The following CEP89 variants were observed in gnomAD, a reference collection of about 807,000 sequenced individuals.
CEP89 encodes the protein centrosomal protein of 89 kDa.
Under a neutral mutation model 97.6 loss-of-function variants are expected in CEP89, and 95 were observed. The ratio of observed to expected loss-of-function variants is 0.97; its 90% CI spans 0.82 to 1.15. The LOEUF (loss-of-function observed/expected upper bound fraction) is 1.15, where lower values mean the gene tolerates loss of function less well. Among genes scored for constraint, CEP89 ranks in the 50% most tolerant of loss-of-function variants. The pLI is 0.00. For missense variants in CEP89, 869 were observed against 947.7 expected (o/e 0.92, Z 1.09); for synonymous variants, 354 against 349.1 (o/e 1.01, Z -0.16).
intron 14 of CEP89, among the ~76,000 whole-genome samples, chr19:32,914,161 T>C (rs1470886850): frequency 1.3e-5 from 2 of 152,296 alleles, no homozygotes; most frequent in Non-Finnish European, 2.9e-5. Context: ...TATTTTCCTA[T>C]GTCAAAAAGG....
chr19:32,914,281 T>TTTTA (rs1970073854), intron 14 of CEP89, among the ~76,000 whole-genome samples: 1 of 152,092 alleles, frequency 6.6e-6, no homozygotes, highest in Non-Finnish European at 1.5e-5. Flanking sequence ...AGTTTTACTA[T>TTTTA]TTTATTTATT....
chr19:32,927,134 AT>A (rs2145922918), intron 9 of CEP89, 150 bp from the exon 10 acceptor site: 1 of 186,972 alleles, frequency 5.3e-6, no homozygotes, highest in Non-Finnish European at 8.6e-6. Context: ...CCACCTACCC[AT>A]CCATCCATCC....
intron 8 of CEP89, 129 bp from the exon 9 acceptor site, chr19:32,931,700 GTGTC>G (rs1970477451): frequency 3.1e-6 from 2 of 654,018 alleles, no homozygotes; most frequent in Non-Finnish European, 5.0e-6. Flanking sequence ...GTGTGCGTGT[GTGTC>G]TGTGTGTGTA....
chr19:32,963,924 TCACACGCATG>T (rs1971226063), intron 2 of CEP89: 1 of 102,744 alleles, frequency 9.7e-6, no homozygotes, highest in Non-Finnish European at 2.2e-5. Context: ...ACACACGCAC[TCACACGCATG>T]CACATGAACA....
intron 16 of CEP89, among the ~76,000 whole-genome samples, chr19:32,899,098 T>G (rs1969706663): frequency 6.6e-6 from 1 of 151,078 alleles, no homozygotes; most frequent in Admixed American, 6.6e-5. Context: ...TAACATTTTT[T>G]GAGAATGGTA....
chr19:32,940,543 G>A (rs184274432), intron 5 of CEP89, among the ~76,000 whole-genome samples: 3 of 152,134 alleles, frequency 2.0e-5, no homozygotes, highest in African/African-American at 7.2e-5. Context: ...ATGGGCCAAC[G>A]CATACTCCTA....
At chr19:32,921,483 G>C (rs886494605) in intron 12 of CEP89, among the ~76,000 whole-genome samples, 3 of 152,256 alleles carry the variant, frequency 2.0e-5, no homozygotes, top group Non-Finnish European at 4.4e-5. Context: ...CATCACACTG[G>C]AGCAAAGGGC....
chr19:32,938,602 C>T (rs1241077578), intron 6 of CEP89, among the ~76,000 whole-genome samples: 1 of 152,148 alleles, frequency 6.6e-6, no homozygotes, highest in Non-Finnish European at 1.5e-5. Flanking sequence ...TGACATCGCA[C>T]AATGAAAAAC....
At chr19:32,949,461 C>A (rs1167765274) in intron 4 of CEP89, among the ~76,000 whole-genome samples, 1 of 152,022 alleles carries the variant, frequency 6.6e-6, no homozygotes, top group Non-Finnish European at 1.5e-5. Context: ...TCATGGCTTG[C>A]AGCAGCCTTT....
intron 13 of CEP89, among the ~76,000 whole-genome samples, 156 bp downstream of exon 13, chr19:32,918,068 T>C (rs1970165723): frequency 6.6e-6 from 1 of 152,150 alleles, no homozygotes; most frequent in African/African-American, 2.4e-5. Context: ...TTGAGGGTAG[T>C]GACGTGGAAA....
chr19:32,933,699 T>C (rs1970524400), intron 7 of CEP89, 30 bp from the exon 8 acceptor site: 2 of 1,314,428 alleles, frequency 1.5e-6, no homozygotes, highest in Non-Finnish European at 2.2e-6. Context: ...AATTTTACAA[T>C]GTTAATTGAT....
intron 3 of CEP89, among the ~76,000 whole-genome samples, chr19:32,957,468 T>C (rs1471459787): frequency 6.6e-6 from 1 of 151,970 alleles, no homozygotes; most frequent in Non-Finnish European, 1.5e-5. Flanking sequence ...GAAGTTCAAG[T>C]CCAGCCTGGG....
intron 2 of CEP89, chr19:32,963,938 A>C (rs1335049202): frequency 9.0e-6 from 1 of 111,414 alleles, no homozygotes; most frequent in Non-Finnish European, 1.7e-5. Flanking sequence ...ACGCATGCAC[A>C]TGAACACACA....
chr19:32,949,704 A>G, intron 4 of CEP89, among the ~76,000 whole-genome samples: 1 of 151,998 alleles, frequency 6.6e-6, no homozygotes. Flanking sequence ...GTTACATGGT[A>G]AACTGTGACT....
intron 14 of CEP89, among the ~76,000 whole-genome samples, chr19:32,910,786 T>C (rs903385945): frequency 3.9e-5 from 6 of 152,164 alleles, no homozygotes; most frequent in African/African-American, 1.4e-4. Context: ...CCATGTCTCA[T>C]CCCACTGGAA....
At position 32,937,665 on chromosome 19, in the gene CEP89, T is replaced by C. The variant is rs1375140251; in HGVS notation, c.633A>G (p.Lys211=). The change falls in exon 7 of 19, where the codon AAA becomes AAG. Residue 211 remains lysine, a synonymous_variant. Transcript: ENST00000305768. ...KHPVLNLKDE[K]PPLCEKPPPS... is the part of the protein sequence containing the mutation. The stretch of plus-strand genomic sequence containing the variant: ...GTGGAGGTTTCTCACATAATGGAGG[T>C]TTTTCATCCTAGGAAAGAAAGAACA... 6.2e-7 allele frequency: 1 copy of C among 1,603,062 alleles called. No homozygotes were observed. The highest frequency in any genetic ancestry group is 8.5e-7 in the Non-Finnish European group (1 of 1,173,920).
intron 12 of CEP89, among the ~76,000 whole-genome samples, chr19:32,920,246 G>A (rs1047472516): frequency 2.0e-5 from 3 of 151,824 alleles, no homozygotes; most frequent in African/African-American, 7.3e-5. Context: ...TTTGAGACAA[G>A]GTCTTGTTCT....
Position 32,879,340 on chromosome 19 carries a change from G to A in CEP89, c.2174C>T (p.Thr725Ile), listed in dbSNP as rs1969229951. Residue 725 changes from threonine to isoleucine, a missense_variant, in exon 19 of 19, where the codon ACC becomes ATC. Coordinates refer to ENST00000305768, the MANE Select transcript of CEP89 (RefSeq NM_032816.5). ...TCGGATTCTTCGGTTTTCCCTGAAG[G>A]TAGATTCCCAAATAACTTCAAGTTC... is the stretch of plus-strand genomic sequence containing the variant. ...EGELEVIWES[T>I]FRENRRIREL... 2 of 1,614,194 alleles carry A rather than the reference G, an allele frequency of 1.2e-6. No individual in the cohort carries two copies. The highest frequency in any genetic ancestry group is 4.5e-5 in the East Asian group (2 of 44,884).
chr19:32,922,772 C>G (rs548689741), intron 12 of CEP89, among the ~76,000 whole-genome samples: 2 of 151,464 alleles, frequency 1.3e-5, no homozygotes, highest in African/African-American at 4.9e-5. Context: ...CGCTTGAATC[C>G]AGGAAGCAGA....
Sources: gnomAD v4.1 joint callset for allele counts (sites outside exome capture counted in the v4.1 genomes callset) on GRCh38, gnomAD v4.1.1 for gene constraint, MANE v1.5 for transcripts, NCBI Gene and HGNC (gene_info 2026-07-23, HGNC 2026-07-21) for gene names.